The following SETD3 variants were observed in gnomAD, a reference collection of about 807,000 sequenced individuals.
SETD3 encodes the protein actin-histidine N-methyltransferase.
Under a neutral mutation model 63.0 loss-of-function variants are expected in SETD3, and 19 were observed. The ratio of observed to expected loss-of-function variants is 0.30; its 90% CI spans 0.21 to 0.44. SETD3 has a LOEUF of 0.44. Among genes scored for constraint, SETD3 ranks in the 20% least tolerant of loss-of-function variants. The probability of loss-of-function intolerance (pLI) is 1.00; values close to 1 mark genes in which losing one functional copy is unlikely to be tolerated. For missense variants in SETD3, 587 were observed against 728.5 expected (o/e 0.81, Z 2.24); for synonymous variants, 286 against 264.1 (o/e 1.08, Z -0.80).
Position 99,398,542 on chromosome 14 carries a change from A to G in SETD3, c.*137T>C. On this transcript the variant is annotated 3_prime_UTR_variant, in exon 13 of 13. Transcript: ENST00000331768. ...TAGATTTTTAAAATAACTTAAAAAA[A>G]CCATTTTTATATAAAGCAGCAAAAA... 1.2e-6 allele frequency: 1 copy of G among 865,000 alleles called. No homozygotes were observed. The highest frequency in any genetic ancestry group is 1.7e-6 in the Non-Finnish European group (1 of 578,612). 53.6% of individuals were successfully genotyped at this position (865,000 alleles called of 1,614,324 possible). A position where few individuals can be genotyped will look rare whatever the true frequency, so the allele number is the denominator to read the frequency against.
rs188281247 is a variant in SETD3 at position 99,401,688 on chromosome 14, A to G, written c.1178-1429T>C. ...AATTCAGGATTTTTAGTTTTGAGTC[A>G]TTTTATATTCTTTGCATACAACATG... On this transcript the variant is annotated intron_variant, in intron 11 of 12. Transcript: ENST00000331768. Among the ~76,000 whole-genome samples, 588 of 152,306 alleles carry G rather than the reference A, an allele frequency of 3.9e-3. 3 individuals are homozygous for G. The highest frequency in any genetic ancestry group is 0.013 in the African/African-American group (555 of 41,558).
chr14:99,479,138 T>C (rs1896126723), intron 1 of SETD3, among the ~76,000 whole-genome samples: 1 of 152,200 alleles, frequency 6.6e-6, no homozygotes, highest in Non-Finnish European at 1.5e-5. Context: ...AGCAACCATT[T>C]TACTCCTTCA....
At chr14:99,423,597 A>AAAAAAAAAAAAAAAAAAAAAAAAAAG (rs1892711124) in intron 6 of SETD3, among the ~76,000 whole-genome samples, 1 of 133,164 alleles carries the variant, frequency 7.5e-6, no homozygotes, top group African/African-American at 3.3e-5. Flanking sequence ...GCAAAAAAAA[A>AAAAAAAAAAAAAAAAAAAAAAAAAAG]AAAAAAAAAA....
At chr14:99,461,124 T>C (rs1895040004) in intron 4 of SETD3, 68 bp downstream of exon 4, 9 of 1,559,570 alleles carry the variant, frequency 5.8e-6, no homozygotes, top group Middle Eastern at 1.7e-4. Context: ...CTCTTCACCC[T>C]GCGCCCTCTA....
intron 6 of SETD3, among the ~76,000 whole-genome samples, chr14:99,437,680 T>A (rs1893561882): frequency 6.6e-6 from 1 of 152,196 alleles, no homozygotes; most frequent in South Asian, 2.1e-4. Flanking sequence ...TGTACGTGTA[T>A]ACGTGTGTGT....
intron 8 of SETD3, among the ~76,000 whole-genome samples, chr14:99,408,215 T>G (rs1891790567): frequency 6.6e-6 from 1 of 152,218 alleles, no homozygotes; most frequent in Non-Finnish European, 1.5e-5. Flanking sequence ...AAATATGGTT[T>G]ATTAACCATA....
chr14:99,425,712 G>C (rs1892844669), intron 6 of SETD3, among the ~76,000 whole-genome samples: 1 of 152,166 alleles, frequency 6.6e-6, no homozygotes. Flanking sequence ...AGAAACATAA[G>C]ACAATGTGGA....
chr14:99,415,350 G>A (rs748501627), intron 6 of SETD3, among the ~76,000 whole-genome samples: 8 of 152,122 alleles, frequency 5.3e-5, no homozygotes, highest in Non-Finnish European at 8.8e-5. Flanking sequence ...TTATTAAATG[G>A]CAGAAAAGAT....
At chr14:99,409,637 G>A (rs887097059) in intron 8 of SETD3, among the ~76,000 whole-genome samples, 6 of 151,622 alleles carry the variant, frequency 4.0e-5, no homozygotes, top group Admixed American at 2.0e-4. Flanking sequence ...TCCCTAAGAT[G>A]GAAACAGAGT....
Position 99,461,279 on chromosome 14 carries a change from G to C in SETD3, c.258C>G (p.Ala86=), listed in dbSNP as rs1895048339. 1 of 1,614,102 alleles carries C rather than the reference G, an allele frequency of 6.2e-7. No homozygotes were observed. Among genetic ancestry groups the C allele is most frequent in the Non-Finnish European group, 8.5e-7 (1 of 1,180,006 alleles). ...EDYFPDLMKW[A]SENGASVEGF... is the part of the protein sequence containing the mutation. ...CCTCGACAGAAGCCCCATTTTCAGAGGCCCATTTCATTAGATCAGGAAAGT... is the reference window on the plus strand; with the variant it reads ...CCTCGACAGAAGCCCCATTTTCAGACGCCCATTTCATTAGATCAGGAAAGT... Residue 86 remains alanine, a synonymous_variant, in exon 4 of 13, where the codon GCC becomes GCG. Coordinates refer to ENST00000331768, the MANE Select transcript of SETD3 (RefSeq NM_032233.3).
chr14:99,460,348 A>G (rs1895001000), intron 4 of SETD3, among the ~76,000 whole-genome samples: 1 of 152,128 alleles, frequency 6.6e-6, no homozygotes, highest in Admixed American at 6.5e-5. Context: ...CAACTGAGAG[A>G]GAGATAGAAT....
upstream of SETD3, among the ~76,000 whole-genome samples, chr14:99,483,992 G>T (rs144177065): frequency 2.6e-5 from 4 of 152,250 alleles, no homozygotes; most frequent in East Asian, 1.9e-4. Flanking sequence ...ATAATAATAG[G>T]CCAGAACTGG....
chr14:99,449,629 G>C (rs1312951445), intron 6 of SETD3, among the ~76,000 whole-genome samples: 1 of 152,218 alleles, frequency 6.6e-6, no homozygotes, highest in Non-Finnish European at 1.5e-5. Flanking sequence ...GAAGTGATTT[G>C]AGAAGATTCG....
intron 1 of SETD3, among the ~76,000 whole-genome samples, chr14:99,473,400 T>G (rs1004075595): frequency 6.6e-6 from 1 of 152,250 alleles, no homozygotes; most frequent in Non-Finnish European, 1.5e-5. Flanking sequence ...GCATTTTTTT[T>G]CAAACACTCT....
intron 1 of SETD3, among the ~76,000 whole-genome samples, chr14:99,476,583 A>G (rs1171304104): frequency 6.6e-6 from 1 of 152,260 alleles, no homozygotes; most frequent in South Asian, 2.1e-4. Context: ...CAAACAACAA[A>G]TCAAAAATGT....
At chr14:99,455,893 G>A (rs1430854058) in intron 6 of SETD3, among the ~76,000 whole-genome samples, 3 of 152,232 alleles carry the variant, frequency 2.0e-5, no homozygotes, top group Non-Finnish European at 4.4e-5. Context: ...GGCGGTTCAC[G>A]CCTGTAATCC....
At chr14:99,455,485 G>A (rs1329539767) in intron 6 of SETD3, among the ~76,000 whole-genome samples, 1 of 152,110 alleles carries the variant, frequency 6.6e-6, no homozygotes, top group Non-Finnish European at 1.5e-5. Context: ...AAAAAGAAGG[G>A]GTATGTGTTA....
chr14:99,477,198 T>C (rs111469134), intron 1 of SETD3, among the ~76,000 whole-genome samples: 48 of 152,234 alleles, frequency 3.2e-4, no homozygotes, highest in African/African-American at 1.1e-3. Flanking sequence ...AAAAAAAAAA[T>C]TGCAAAGTCT....
intron 6 of SETD3, among the ~76,000 whole-genome samples, chr14:99,443,255 ATTTTTTTTTTTT>A (rs996583091): frequency 9.2e-6 from 1 of 108,800 alleles, no homozygotes; most frequent in Non-Finnish European, 1.8e-5. Context: ...CTGAACTCCC[ATTTTTTTTTTTT>A]TTTTTTTTTT....
Sources: gnomAD v4.1 joint callset for allele counts (sites outside exome capture counted in the v4.1 genomes callset) on GRCh38, gnomAD v4.1.1 for gene constraint, MANE v1.5 for transcripts, NCBI Gene and HGNC (gene_info 2026-07-23, HGNC 2026-07-21) for gene names.